The following GPHN variants were observed in gnomAD, a reference collection of about 807,000 sequenced individuals.
The protein encoded by GPHN is gephyrin.
A neutral mutation model predicts 95.5 loss-of-function variants in GPHN; 17 were observed. The ratio of observed to expected loss-of-function variants is 0.18; its 90% CI spans 0.12 to 0.27. The LOEUF (loss-of-function observed/expected upper bound fraction) is 0.27. Ranked by LOEUF, GPHN falls within the 10% of genes least tolerant of loss-of-function variation. The probability of loss-of-function intolerance (pLI) is 1.00; values close to 1 mark genes in which losing one functional copy is unlikely to be tolerated. For missense variants in GPHN, 660 were observed against 978.1 expected (o/e 0.67, Z 4.34); for synonymous variants, 320 against 322.5 (o/e 0.99, Z 0.08).
the GPHN span, among the ~76,000 whole-genome samples, chr14:67,361,446 A>C: frequency 6.6e-6 from 1 of 152,224 alleles, no homozygotes; most frequent in Non-Finnish European, 1.5e-5. Context: ...TATAATGATG[A>C]AATAAAAGCT....
At chr14:67,204,102 A>C in the GPHN span, among the ~76,000 whole-genome samples, 1 of 152,134 alleles carries the variant, frequency 6.6e-6, no homozygotes, top group African/African-American at 2.4e-5. Context: ...TCTGGGAGGC[A>C]AGTCTGGTGT....
chr14:67,665,686 A>G, the GPHN span, among the ~76,000 whole-genome samples: 1 of 152,222 alleles, frequency 6.6e-6, no homozygotes, highest in African/African-American at 2.4e-5. Context: ...ACTGTGCCAT[A>G]GATCCTAGAA....
At chr14:67,170,759 T>C (rs1191163914) in intron 21 of GPHN, among the ~76,000 whole-genome samples, 1 of 152,220 alleles carries the variant, frequency 6.6e-6, no homozygotes, top group Non-Finnish European at 1.5e-5. Flanking sequence ...TGCTTGGCTA[T>C]TTGTTTCTTT....
intron 19 of GPHN, 147 bp downstream of exon 19, chr14:67,159,635 A>C: frequency 1.4e-6 from 1 of 693,264 alleles, no homozygotes; most frequent in Admixed American, 2.1e-5. Flanking sequence ...CCTTTGCACA[A>C]GTGCAGGTTC....
At chr14:67,619,906 G>A in the GPHN span, 1 of 1,032,042 alleles carries the variant, frequency 9.7e-7, no homozygotes, top group Non-Finnish European at 1.4e-6. Flanking sequence ...GAGCAGCGGC[G>A]GGCGGTGGCG....
chr14:67,054,296 A>G (rs1424098754), intron 10 of GPHN, among the ~76,000 whole-genome samples: 4 of 152,222 alleles, frequency 2.6e-5, no homozygotes, highest in African/African-American at 7.2e-5. Flanking sequence ...AAGCATTCCT[A>G]TACACCAGCA....
At chr14:66,740,141 TTATGA>T (rs1486074298) in intron 2 of GPHN, among the ~76,000 whole-genome samples, 1 of 152,160 alleles carries the variant, frequency 6.6e-6, no homozygotes, top group African/African-American at 2.4e-5. Context: ...ACTGGTGTAT[TTATGA>T]TATATCTCAC....
the GPHN span, chr14:67,576,467 C>A: frequency 1.0e-5 from 16 of 1,605,844 alleles, no homozygotes; most frequent in Non-Finnish European, 1.3e-5. This position sits in a 1 kb window ranked among gnomAD's most constrained non-coding sequence, Gnocchi z 4.0. Context: ...CTATGAGCAG[C>A]TCATTGGAAA....
intron 1 of GPHN, among the ~76,000 whole-genome samples, chr14:66,590,325 G>A (rs1181910427): frequency 6.6e-6 from 1 of 152,142 alleles, no homozygotes; most frequent in African/African-American, 2.4e-5. Context: ...ACTAAGATGA[G>A]AGCTAGAGAC....
chr14:67,250,965 A>G, the GPHN span, among the ~76,000 whole-genome samples: 28 of 152,186 alleles, frequency 1.8e-4, no homozygotes, highest in East Asian at 3.3e-3. Context: ...CTTTGTATGT[A>G]TTTCTTAAAT....
In GPHN at chr14:67,110,262, A is replaced by G. The variant is rs745860575; in HGVS notation, c.1413+3A>G. ...AACTTATCAGGGAATCAGATGATGTACGTCATCACCAAGTCTTACTGTGCT... is the reference window on the plus strand; with the variant it reads ...AACTTATCAGGGAATCAGATGATGTGCGTCATCACCAAGTCTTACTGTGCT... On this transcript the variant is annotated splice_donor_region_variant and intron_variant, in intron 14 of 22. Transcript: ENST00000478722. The G allele has an allele frequency of 2.9e-5, 46 of 1,613,536 alleles. No individual in the cohort carries two copies. Among genetic ancestry groups the G allele is most frequent in the Non-Finnish European group, 3.8e-5 (45 of 1,179,452 alleles).
At chr14:67,438,369 T>C in the GPHN span, among the ~76,000 whole-genome samples, 1 of 152,234 alleles carries the variant, frequency 6.6e-6, no homozygotes, top group African/African-American at 2.4e-5. Context: ...CTGAGAATTG[T>C]AGATTTCTGA....
At chr14:67,328,059 C>G in the GPHN span, among the ~76,000 whole-genome samples, 2 of 152,206 alleles carry the variant, frequency 1.3e-5, no homozygotes, top group Non-Finnish European at 2.9e-5. Flanking sequence ...AATCACCACA[C>G]TGTCTTCCAC....
At chr14:67,545,880 G>A in the GPHN span, among the ~76,000 whole-genome samples, 87 of 152,032 alleles carry the variant, frequency 5.7e-4, no homozygotes, top group East Asian at 1.2e-3. Flanking sequence ...TCCCAGATCC[G>A]TGCTCATGGA....
chr14:66,587,154 G>A (rs937332005), intron 1 of GPHN, among the ~76,000 whole-genome samples: 4 of 152,006 alleles, frequency 2.6e-5, no homozygotes, highest in African/African-American at 9.7e-5. Context: ...ATGAGATCCT[G>A]GAAATGTACA....
At chr14:67,408,224 T>C in the GPHN span, among the ~76,000 whole-genome samples, 30 of 150,650 alleles carry the variant, frequency 2.0e-4, no homozygotes, top group African/African-American at 7.3e-4. Context: ...AGGCAGAGGT[T>C]GCAGTGAGCC....
chr14:66,754,337 A>G (rs2058483525), intron 2 of GPHN, among the ~76,000 whole-genome samples: 1 of 152,038 alleles, frequency 6.6e-6, no homozygotes, highest in African/African-American at 2.4e-5. Flanking sequence ...TTTATGAGGG[A>G]AAACTGATAG....
chr14:66,781,770 T>G (rs1354525471), intron 3 of GPHN, among the ~76,000 whole-genome samples: 1 of 152,182 alleles, frequency 6.6e-6, no homozygotes, highest in Admixed American at 6.5e-5. Context: ...CACTGAGACA[T>G]CCTACTGTTG....
chr14:67,337,361 CA>C, the GPHN span: 1 of 151,850 alleles, frequency 6.6e-6, no homozygotes, highest in Non-Finnish European at 1.5e-5. Flanking sequence ...AAAATATAAA[CA>C]TTAGCCGGGC....
Sources: allele counts gnomAD v4.1 joint callset (sites outside exome capture counted in the v4.1 genomes callset), GRCh38; gene constraint gnomAD v4.1.1; non-coding constraint Gnocchi (gnomAD v3.1); transcripts MANE v1.5; gene names NCBI Gene and HGNC (gene_info 2026-07-23, HGNC 2026-07-21).